Variants in SEL1L3 observed in about 807,000 individuals in gnomAD.
The protein encoded by SEL1L3 is protein sel-1 homolog 3.
Under a neutral mutation model 142.8 loss-of-function variants are expected in SEL1L3, and 76 were observed. That is an observed-to-expected ratio of 0.53 (90% CI 0.44 to 0.64). SEL1L3 has a LOEUF of 0.64. Among genes scored for constraint, SEL1L3 ranks in the 30% least tolerant of loss-of-function variants. The pLI is 0.00. For missense variants in SEL1L3, 1,262 were observed against 1,381.7 expected, an observed-to-expected ratio of 0.91 and a Z score of 1.37; for synonymous variants, 504 against 519.6, an observed-to-expected ratio of 0.97 and a Z score of 0.41.
At chr4:25,826,524 C>A (rs1391873901) in intron 6 of SEL1L3, among the ~76,000 whole-genome samples, 1 of 151,992 alleles carries the variant, frequency 6.6e-6, no homozygotes, top group Admixed American at 6.6e-5. Flanking sequence ...TACAGGAACC[C>A]CCGGGGGACT....
chr4:25,839,299 C>T (rs1716024508), intron 2 of SEL1L3, among the ~76,000 whole-genome samples: 1 of 152,210 alleles, frequency 6.6e-6, no homozygotes. Flanking sequence ...GTCTGTGGAA[C>T]ATTCGATGGC....
Position 25,758,951 on chromosome 4 carries a change from G to A in SEL1L3, c.3073C>T (p.Leu1025=), listed in dbSNP as rs1160441290. 2 of 1,613,830 alleles carry A rather than the reference G, an allele frequency of 1.2e-6. No homozygotes were observed. The highest frequency in any genetic ancestry group is 1.7e-5 in the Admixed American group (1 of 60,006). Reference sequence around the variant, plus strand: ...AGGCTCTGAGCTCACCTTTCGTACAGTTCCTGGAGAATGGAGATGTTATTA... The same window carrying A: ...AGGCTCTGAGCTCACCTTTCGTACAATTCCTGGAGAATGGAGATGTTATTA... ...HSNNISILQE[L]YERCWSHSNE... is the part of the protein sequence containing the mutation. Residue 1025 remains leucine, a synonymous_variant, in exon 21 of 24, where the codon CTG becomes TTG. Coordinates refer to ENST00000399878, the MANE Select transcript of SEL1L3 (RefSeq NM_015187.5).
the SEL1L3 span, among the ~76,000 whole-genome samples, chr4:25,729,325 G>C: frequency 3.3e-5 from 5 of 152,044 alleles, no homozygotes; most frequent in Non-Finnish European, 2.9e-5. Flanking sequence ...CCACCCCAAA[G>C]TGAACATGGA....
chr4:25,800,279 G>A lies in SEL1L3; in HGVS notation c.1956+2004C>T, dbSNP rs377485872. On this transcript the variant is annotated intron_variant, in intron 11 of 23. Coordinates refer to ENST00000399878, the MANE Select transcript of SEL1L3 (RefSeq NM_015187.5). ...CAAAAGGACATTTAAATCAACATATGACACCTGTTTAAATTCTTAAGAAGC... is the reference window on the plus strand; with the variant it reads ...CAAAAGGACATTTAAATCAACATATAACACCTGTTTAAATTCTTAAGAAGC... 5.3e-5 allele frequency among the ~76,000 whole-genome samples: 8 copies of A among 152,158 alleles called. No homozygotes were observed. In the South Asian group the frequency reaches 1.7e-3, roughly 32 times the overall value.
the SEL1L3 span, among the ~76,000 whole-genome samples, chr4:25,739,703 C>CA: frequency 6.2e-3 from 715 of 114,576 alleles, 3 homozygotes; most frequent in African/African-American, 0.017. Flanking sequence ...GAGACTCCGT[C>CA]AAAAAAAAAC....
At chr4:25,752,805 G>C (rs1717691581) in intron 23 of SEL1L3, among the ~76,000 whole-genome samples, 1 of 152,238 alleles carries the variant, frequency 6.6e-6, no homozygotes, top group Non-Finnish European at 1.5e-5. Context: ...ATTTTTAGTA[G>C]AGATGGGGTT....
At chr4:25,853,304 C>T (rs577055104) in intron 1 of SEL1L3, among the ~76,000 whole-genome samples, 13 of 152,222 alleles carry the variant, frequency 8.5e-5, no homozygotes, top group Non-Finnish European at 1.6e-4. Flanking sequence ...TCCACAGAGC[C>T]GTCCCTTCAA....
In SEL1L3 at chr4:25,825,968, G is replaced by A. The variant is rs568578055; in HGVS notation, c.1158-3840C>T. Among the ~76,000 whole-genome samples, 137 of 151,940 alleles carry A rather than the reference G, an allele frequency of 9.0e-4. 1 individual carries two copies. Among genetic ancestry groups the A allele is most frequent in the Middle Eastern group, 3.4e-3 (1 of 294 alleles). ...ATTACAGGCATAAGCCACCACGCCC[G>A]GCCGGCCTGGTCTAAATTCTGACCC... On this transcript the variant is annotated intron_variant, in intron 6 of 23. Transcript: ENST00000399878.
chr4:25,770,050 C>T (rs1719046670), intron 17 of SEL1L3, among the ~76,000 whole-genome samples: 1 of 152,092 alleles, frequency 6.6e-6, no homozygotes, highest in Non-Finnish European at 1.5e-5. Flanking sequence ...ATCGCTCGAA[C>T]ACGAAAGGTG....
intron 5 of SEL1L3, among the ~76,000 whole-genome samples, chr4:25,832,495 C>T (rs112509074): frequency 1.3e-5 from 2 of 152,340 alleles, no homozygotes; most frequent in African/African-American, 4.8e-5. Context: ...CTCCATCCCA[C>T]CTGAATTATC....
At chr4:25,830,034 A>C in intron 6 of SEL1L3, 64 bp downstream of exon 6, 1 of 1,018,036 alleles carries the variant, frequency 9.8e-7, no homozygotes, top group South Asian at 1.3e-5. Flanking sequence ...CTGAGGGCTA[A>C]AGTATGAAGA....
chr4:25,826,005 T>G (rs1399868657), intron 6 of SEL1L3, among the ~76,000 whole-genome samples: 1 of 152,136 alleles, frequency 6.6e-6, no homozygotes, highest in Non-Finnish European at 1.5e-5. Flanking sequence ...CTTGTTCTCC[T>G]CAAGCTACCT....
At chr4:25,849,992 A>T (rs907937243) in intron 1 of SEL1L3, among the ~76,000 whole-genome samples, 1 of 152,162 alleles carries the variant, frequency 6.6e-6, no homozygotes, top group Admixed American at 6.5e-5. Context: ...GCTTTGAGGG[A>T]CGAAAAGAAG....
chr4:25,790,470 GCCT>G lies in SEL1L3; in HGVS notation c.2058_2060del (p.Gly687del). The G allele has an allele frequency of 6.2e-7, 1 of 1,613,800 alleles. No individual in the cohort carries two copies. Among genetic ancestry groups the G allele is most frequent in the Middle Eastern group, 1.6e-4 (1 of 6,062 alleles). On this transcript the variant is annotated inframe_deletion, in exon 12 of 24. Coordinates refer to ENST00000399878, the MANE Select transcript of SEL1L3 (RefSeq NM_015187.5). ...GCGTTTTTACCTGAGCTGCTGCATT[GCCT>G]CGGGTAGCTTCATGCTTCAACCACA...
At chr4:25,736,196 C>G in the SEL1L3 span, among the ~76,000 whole-genome samples, 1 of 149,924 alleles carries the variant, frequency 6.7e-6, no homozygotes, top group Non-Finnish European at 1.5e-5. Context: ...TGTGGTCAGA[C>G]AATATATGCC....
At chr4:25,852,179 T>C (rs1311675656) in intron 1 of SEL1L3, among the ~76,000 whole-genome samples, 1 of 152,088 alleles carries the variant, frequency 6.6e-6, no homozygotes, top group East Asian at 1.9e-4. Flanking sequence ...GACAAGCCAG[T>C]CTACTCTCTT....
At chr4:25,852,829 G>C (rs1577700488) in intron 1 of SEL1L3, among the ~76,000 whole-genome samples, 1 of 152,120 alleles carries the variant, frequency 6.6e-6, no homozygotes. Flanking sequence ...ATAATTTTTT[G>C]AGTAGGGATA....
intron 9 of SEL1L3, among the ~76,000 whole-genome samples, chr4:25,805,095 C>G (rs541710626): frequency 6.6e-6 from 1 of 152,330 alleles, no homozygotes; most frequent in South Asian, 2.1e-4. Context: ...TTTTCCCCCT[C>G]TAAGACTCCC....
chr4:25,801,853 T>C (rs1020837917), intron 11 of SEL1L3, among the ~76,000 whole-genome samples: 1 of 152,142 alleles, frequency 6.6e-6, no homozygotes, highest in Non-Finnish European at 1.5e-5. Context: ...ATTGTAGACA[T>C]TGCTTGCTCA....
Sources: allele counts gnomAD v4.1 joint callset (sites outside exome capture counted in the v4.1 genomes callset), GRCh38; gene constraint gnomAD v4.1.1; transcripts MANE v1.5; gene names NCBI Gene and HGNC (gene_info 2026-07-23, HGNC 2026-07-21).